CSMD1: variants seen among roughly 807,000 people sequenced by gnomAD.
CSMD1 encodes CUB and sushi domain-containing protein 1.
CSMD1 carries 213 observed loss-of-function variants against 417.5 expected under a neutral mutation model. That is an observed-to-expected ratio of 0.51 (90% confidence interval 0.46 to 0.57). CSMD1 has a LOEUF of 0.57. CSMD1 is among the 20% of genes least tolerant of loss of function. CSMD1 has a pLI of 0.00. For synonymous variants in CSMD1, 2,862 were observed against 1,736.8 expected, an observed-to-expected ratio of 1.65 and a Z score of -16.11; for missense variants, 6,923 against 4,529.7, an observed-to-expected ratio of 1.53 and a Z score of -15.17.
intron 5 of CSMD1, among the ~76,000 whole-genome samples, chr8:3,950,486 G>A (rs374484956): frequency 2.6e-5 from 4 of 152,130 alleles, no homozygotes; most frequent in Admixed American, 1.3e-4. Context: ...AACATAACAC[G>A]CCCCTTTACT....
intron 51 of CSMD1, among the ~76,000 whole-genome samples, chr8:3,020,462 T>C (rs1563245432): frequency 1.3e-5 from 2 of 152,130 alleles, no homozygotes; most frequent in Non-Finnish European, 2.9e-5. Flanking sequence ...CCTGACCTCC[T>C]GGGTTCAAGA....
Position 4,609,099 on chromosome 8 carries a change from A to G in CSMD1, c.302+28243T>C, listed in dbSNP as rs537664699. ...CAGGTTACTGAGTTTTAGTTTTCTC[A>G]TCCTCAAGATGAAATACTCGCCAGA... On this transcript the variant is annotated intron_variant, in intron 2 of 69. Coordinates refer to ENST00000635120, the MANE Select transcript of CSMD1 (RefSeq NM_033225.6). Among the ~76,000 whole-genome samples the G allele has an allele frequency of 1.4e-4, 22 of 152,032 alleles. No individual in the cohort carries two copies. The South Asian group carries it at 4.4e-3, about 30-fold the overall frequency.
intron 2 of CSMD1, among the ~76,000 whole-genome samples, chr8:4,526,735 T>G (rs1796531096): frequency 6.6e-6 from 1 of 152,230 alleles, no homozygotes; most frequent in Non-Finnish European, 1.5e-5. Context: ...CTTTCATATT[T>G]GATAAATAAC....
intron 50 of CSMD1, among the ~76,000 whole-genome samples, chr8:3,040,370 T>C (rs780250234): frequency 4.5e-5 from 6 of 132,166 alleles, no homozygotes; most frequent in Non-Finnish European, 9.6e-5. Flanking sequence ...AAGGTGTAGA[T>C]AGCATATACA....
rs180862605 is a variant in CSMD1, at chr8:3,935,885, T to C, written c.818+62018A>G. Among the ~76,000 whole-genome samples the C allele has an allele frequency of 7.7e-4, 118 of 152,302 alleles. 2 individuals are homozygous for C. The highest frequency in any genetic ancestry group is 1.2e-3 in the Non-Finnish European group (82 of 68,032). On this transcript the variant is annotated intron_variant, in intron 5 of 69. Coordinates refer to ENST00000635120, the MANE Select transcript of CSMD1 (RefSeq NM_033225.6). Reference sequence around the variant, plus strand: ...ATCATTGGCCTTAGTGAGAAAAGTATACTTAAAGATGAGACAGGCTGAAAA... The same window carrying C: ...ATCATTGGCCTTAGTGAGAAAAGTACACTTAAAGATGAGACAGGCTGAAAA...
chr8:4,889,614 C>T (rs1035289007), intron 1 of CSMD1, among the ~76,000 whole-genome samples: 12 of 152,090 alleles, frequency 7.9e-5, no homozygotes, highest in Middle Eastern at 3.4e-3. Flanking sequence ...ACCATAATGA[C>T]TGGCTTAAGG....
chr8:3,259,298 A>G (rs1381037427), intron 26 of CSMD1, among the ~76,000 whole-genome samples: 1 of 152,156 alleles, frequency 6.6e-6, no homozygotes, highest in Admixed American at 6.5e-5. Flanking sequence ...AAACTCATGG[A>G]TTTCTAGTTA....
chr8:4,055,210 T>C (rs572137701), intron 3 of CSMD1, among the ~76,000 whole-genome samples: 2 of 152,310 alleles, frequency 1.3e-5, no homozygotes, highest in South Asian at 4.1e-4. Flanking sequence ...TCTTATTCAA[T>C]TTTTAAAAAC....
intron 39 of CSMD1, among the ~76,000 whole-genome samples, chr8:3,153,131 C>A (rs1563091229): frequency 6.6e-6 from 1 of 152,136 alleles, no homozygotes; most frequent in Non-Finnish European, 1.5e-5. Flanking sequence ...AGTAAAGAAA[C>A]CGGCTAAACC....
intron 3 of CSMD1, among the ~76,000 whole-genome samples, chr8:4,186,141 G>A (rs1037921786): frequency 1.3e-5 from 2 of 152,170 alleles, no homozygotes; most frequent in South Asian, 4.1e-4. Context: ...TTGGCATCCA[G>A]AGGCCACTGG....
Position 3,951,013 on chromosome 8 carries a change from C to T in CSMD1, c.818+46890G>A, listed in dbSNP as rs376905694. Among the ~76,000 whole-genome samples the T allele has an allele frequency of 6.0e-3, 908 of 152,304 alleles. 9 individuals are homozygous for T. Among genetic ancestry groups the T allele is most frequent in the African/African-American group, 0.018 (736 of 41,560 alleles). On this transcript the variant is annotated intron_variant, in intron 5 of 69. Coordinates refer to ENST00000635120, the MANE Select transcript of CSMD1 (RefSeq NM_033225.6). ...AGCATAATTCAACTGAGCCCCGTTT[C>T]TGATCTACAAAAGTCACTTTAGTGA...
chr8:4,631,398 G>GTTTT (rs566703213), intron 2 of CSMD1, among the ~76,000 whole-genome samples: 7 of 138,364 alleles, frequency 5.1e-5, no homozygotes, highest in African/African-American at 1.6e-4. Flanking sequence ...ACCTTGGTTT[G>GTTTT]TTTTTTTTTT....
chr8:3,658,600 T>C (rs549760022), intron 7 of CSMD1, among the ~76,000 whole-genome samples: 13 of 151,830 alleles, frequency 8.6e-5, no homozygotes, highest in African/African-American at 2.9e-4. Flanking sequence ...TTGGCCAACA[T>C]GACAAAACCC....
chr8:3,216,326 T>C (rs1797879227), intron 29 of CSMD1, among the ~76,000 whole-genome samples: 1 of 152,174 alleles, frequency 6.6e-6, no homozygotes, highest in African/African-American at 2.4e-5. Flanking sequence ...TTTTCTGATA[T>C]TTTATTTAAT....
At chr8:3,978,914 G>C (rs974476213) in intron 5 of CSMD1, among the ~76,000 whole-genome samples, 1 of 152,216 alleles carries the variant, frequency 6.6e-6, no homozygotes, top group African/African-American at 2.4e-5. Flanking sequence ...CAAGGAATTA[G>C]CGTCCTAATG....
At chr8:3,232,222 T>C (rs1798883891) in intron 26 of CSMD1, among the ~76,000 whole-genome samples, 1 of 152,236 alleles carries the variant, frequency 6.6e-6, no homozygotes, top group Non-Finnish European at 1.5e-5. Flanking sequence ...TATAAATGTA[T>C]GCATTCCACT....
At chr8:3,912,879 AAGAGTGAATGAAG>A (rs1221466348) in intron 5 of CSMD1, among the ~76,000 whole-genome samples, 13 of 152,178 alleles carry the variant, frequency 8.5e-5, no homozygotes, top group Non-Finnish European at 1.5e-5. Context: ...ATGGTGATGT[AAGAGTGAATGAAG>A]ATCAATTAAT....
chr8:3,459,375 C>G (rs776117249), intron 12 of CSMD1, among the ~76,000 whole-genome samples: 1 of 152,130 alleles, frequency 6.6e-6, no homozygotes, highest in Admixed American at 6.6e-5. Flanking sequence ...GGGAATCGCA[C>G]GGTGGATCCT....
Position 3,214,820 on chromosome 8 carries a change from T to A in CSMD1, c.4673-129A>T, listed in dbSNP as rs1248065969. On this transcript the variant is annotated intron_variant, in intron 29 of 69. Transcript: ENST00000635120. ...AACAATGTCCTAAATAAGTAAGAAATGCTCAAAGAATATTTATTGATTGGC... is the reference window on the plus strand; with the variant it reads ...AACAATGTCCTAAATAAGTAAGAAAAGCTCAAAGAATATTTATTGATTGGC... 5.7e-6 allele frequency: 3 copies of A among 525,376 alleles called. No individual in the cohort carries two copies. The East Asian group carries it at 9.5e-5, about 17-fold the overall frequency. The allele number at this position is 525,376 out of a possible 1,614,324, so 32.5% of individuals were successfully genotyped here.
Sources: gnomAD v4.1 joint callset for allele counts (sites outside exome capture counted in the v4.1 genomes callset) on GRCh38, gnomAD v4.1.1 for gene constraint, MANE v1.5 for transcripts, NCBI Gene and HGNC (gene_info 2026-07-23, HGNC 2026-07-21) for gene names.